Variants in SLC25A17 observed in about 807,000 individuals in gnomAD.
The protein encoded by SLC25A17 is solute carrier family 25 member 17, also known as peroxisomal membrane protein PMP34.
SLC25A17 carries 26 observed loss-of-function variants against 38.5 expected under a neutral mutation model. The ratio of observed to expected loss-of-function variants is 0.68; its 90% CI spans 0.50 to 0.94. The LOEUF (loss-of-function observed/expected upper bound fraction) is 0.94, where lower values mean the gene tolerates loss of function less well. SLC25A17 is among the 40% of genes least tolerant of loss of function. The pLI is 0.00. For missense variants in SLC25A17, 333 were observed against 372.7 expected, an observed-to-expected ratio of 0.89 and a Z score of 0.88; for synonymous variants, 139 against 136.2, an observed-to-expected ratio of 1.02 and a Z score of -0.14.
intron 1 of SLC25A17, among the ~76,000 whole-genome samples, chr22:40,801,167 A>G (rs909191598): frequency 2.1e-4 from 26 of 125,720 alleles, no homozygotes; most frequent in Non-Finnish European, 3.6e-4. Flanking sequence ...ATATATATAT[A>G]TGTAAATGAT....
intron 7 of SLC25A17, among the ~76,000 whole-genome samples, 180 bp downstream of exon 7, chr22:40,776,860 C>T (rs1333223700): frequency 6.6e-6 from 1 of 152,068 alleles, no homozygotes; most frequent in Non-Finnish European, 1.5e-5. Context: ...CACCACGGTA[C>T]TCCAACCTGG....
At chr22:40,813,257 G>A (rs1466509928) in intron 1 of SLC25A17, among the ~76,000 whole-genome samples, 1 of 152,202 alleles carries the variant, frequency 6.6e-6, no homozygotes, top group Non-Finnish European at 1.5e-5. Context: ...ATGGAAAGTA[G>A]CTGGGCATGG....
chr22:40,803,018 A>G (rs1157138955), intron 1 of SLC25A17, among the ~76,000 whole-genome samples: 1 of 152,224 alleles, frequency 6.6e-6, no homozygotes, highest in Non-Finnish European at 1.5e-5. Flanking sequence ...CTTTGTGGTG[A>G]TAATATCGGA....
rs5995952 is a variant in SLC25A17 at position 40,812,731 on chromosome 22, G to A, written c.54+6464C>T. ...GAACAGAAAGATTATTTTAAAGCCA[G>A]ACACGGTGGCTCACACCTGCAATCC... On this transcript the variant is annotated intron_variant, in intron 1 of 8. Transcript: ENST00000435456. 3.6e-3 allele frequency among the ~76,000 whole-genome samples: 544 copies of A among 152,260 alleles called. 5 individuals carry two copies. Among genetic ancestry groups the A allele is most frequent in the African/African-American group, 0.013 (524 of 41,532 alleles).
intron 4 of SLC25A17, chr22:40,779,671 C>T (rs1332074012): frequency 6.2e-6 from 1 of 162,192 alleles, no homozygotes; most frequent in Non-Finnish European, 1.4e-5. Flanking sequence ...TTCCTCCTTG[C>T]TGAGAGCATT....
chr22:40,803,080 C>T (rs2057497282), intron 1 of SLC25A17, among the ~76,000 whole-genome samples: 1 of 152,162 alleles, frequency 6.6e-6, no homozygotes, highest in African/African-American at 2.4e-5. Context: ...TATTTGCTAT[C>T]GTCACCATAG....
At chr22:40,801,128 C>CATATATATATAT (rs60780380) in intron 1 of SLC25A17, among the ~76,000 whole-genome samples, 31 of 101,198 alleles carry the variant, frequency 3.1e-4, no homozygotes, top group South Asian at 6.7e-4. Flanking sequence ...AAATATATTA[C>CATATATATATAT]ATATATATAT....
intron 2 of SLC25A17, chr22:40,797,403 G>A: frequency 1.3e-6 from 1 of 747,246 alleles, no homozygotes; most frequent in Middle Eastern, 2.7e-4. Context: ...AGGCAGATTA[G>A]GACTACATGC....
At chr22:40,788,197 A>G (rs755916287) in intron 4 of SLC25A17, among the ~76,000 whole-genome samples, 42 of 152,236 alleles carry the variant, frequency 2.8e-4, no homozygotes, top group Non-Finnish European at 5.3e-4. Context: ...ATACGCATGT[A>G]ATACCTTCCT....
intron 1 of SLC25A17, among the ~76,000 whole-genome samples, chr22:40,812,108 T>C (rs2057588310): frequency 1.3e-5 from 2 of 152,078 alleles, no homozygotes; most frequent in Middle Eastern, 3.2e-3. Context: ...TTGCCCAGGC[T>C]GGTCTCAAAC....
At chr22:40,814,916 T>C (rs1157931583) in intron 1 of SLC25A17, among the ~76,000 whole-genome samples, 1 of 151,264 alleles carries the variant, frequency 6.6e-6, no homozygotes. Flanking sequence ...ACCTCCCGGG[T>C]TCATGCCGTT....
chr22:40,801,167 A>ATATATG (rs1306844315), intron 1 of SLC25A17, among the ~76,000 whole-genome samples: 7 of 125,714 alleles, frequency 5.6e-5, no homozygotes, highest in Non-Finnish European at 1.0e-4. Context: ...ATATATATAT[A>ATATATG]TGTAAATGAT....
intron 4 of SLC25A17, among the ~76,000 whole-genome samples, chr22:40,790,951 T>C (rs553513006): frequency 2.0e-5 from 3 of 152,326 alleles, no homozygotes; most frequent in Non-Finnish European, 4.4e-5. Context: ...ATTCTAATTT[T>C]TTTCCCCAAG....
At chr22:40,814,515 G>C (rs765164169) in intron 1 of SLC25A17, among the ~76,000 whole-genome samples, 10 of 143,706 alleles carry the variant, frequency 7.0e-5, no homozygotes, top group Non-Finnish European at 1.4e-4. Flanking sequence ...TGACTACCTA[G>C]TGAATGAGAA....
chr22:40,777,415 T>C (rs772606212), intron 5 of SLC25A17, 42 bp from the exon 6 acceptor site: 46 of 1,586,178 alleles, frequency 2.9e-5, no homozygotes, highest in Non-Finnish European at 3.8e-5. Context: ...ATGATCACAA[T>C]CCCCCAACTA....
chr22:40,785,718 A>AT (rs1164824116), intron 4 of SLC25A17, among the ~76,000 whole-genome samples: 1 of 151,978 alleles, frequency 6.6e-6, no homozygotes, highest in Non-Finnish European at 1.5e-5. Context: ...ACTTTTTAAA[A>AT]TTTTTTTCTA....
chr22:40,772,177 A>G (rs1436207525), intron 8 of SLC25A17, among the ~76,000 whole-genome samples: 4 of 152,246 alleles, frequency 2.6e-5, no homozygotes, highest in African/African-American at 9.6e-5. Flanking sequence ...ATTGCCTTCC[A>G]AAGCAGCTGT....
In SLC25A17 at chr22:40,801,222, GC is replaced by G. The variant is rs530021921; in HGVS notation, c.55-2140del. On this transcript the variant is annotated intron_variant, in intron 1 of 8. Coordinates refer to ENST00000435456, the MANE Select transcript of SLC25A17 (RefSeq NM_006358.4). The stretch of plus-strand genomic sequence containing the variant: ...CAACTTAAATAAGAAAATTTGGTAG[GC>G]CTATTATCAATTTAAATAGGTCAGC... Among the ~76,000 whole-genome samples the G allele has an allele frequency of 3.5e-3, 500 of 140,858 alleles. 3 individuals carry two copies. Among genetic ancestry groups the G allele is most frequent in the Non-Finnish European group, 6.1e-3 (405 of 66,244 alleles). 92.4% of individuals were successfully genotyped at this position (140,858 alleles called of 152,430 possible). A position where few individuals can be genotyped will look rare whatever the true frequency, so the allele number is the denominator to read the frequency against.
At chr22:40,811,967 GGGGTTC>G (rs1175166470) in intron 1 of SLC25A17, among the ~76,000 whole-genome samples, 2 of 125,974 alleles carry the variant, frequency 1.6e-5, no homozygotes, top group Non-Finnish European at 1.7e-5. Context: ...TGGGGATTTG[GGGGTTC>G]CTCTTTTTTG....
Sources: allele counts gnomAD v4.1 joint callset (sites outside exome capture counted in the v4.1 genomes callset), GRCh38; gene constraint gnomAD v4.1.1; transcripts MANE v1.5; gene names NCBI Gene and HGNC (gene_info 2026-07-23, HGNC 2026-07-21).